The following PTPDC1 variants were observed in gnomAD, a reference collection of about 807,000 sequenced individuals.
The protein encoded by PTPDC1 is protein tyrosine phosphatase domain-containing protein 1.
PTPDC1 carries 53 observed loss-of-function variants against 75.3 expected under a neutral mutation model. The observed-to-expected ratio is 0.70, with a 90% CI of 0.56 to 0.88. The LOEUF (loss-of-function observed/expected upper bound fraction) is 0.88. PTPDC1 is among the 40% of genes least tolerant of loss of function. The pLI is 0.00. For synonymous variants in PTPDC1, 349 were observed against 366.2 expected, an observed-to-expected ratio of 0.95 and a Z score of 0.54; for missense variants, 925 against 998.6, an observed-to-expected ratio of 0.93 and a Z score of 0.99.
intron 8 of PTPDC1, among the ~76,000 whole-genome samples, chr9:94,105,718 A>C (rs1177153607): frequency 5.7e-4 from 86 of 149,578 alleles, no homozygotes; most frequent in African/African-American, 1.9e-3. Flanking sequence ...CCTGTAATCC[A>C]AGCACTTTGG....
chr9:94,097,212 A>T, intron 5 of PTPDC1, 109 bp from the exon 6 acceptor site: 1 of 751,762 alleles, frequency 1.3e-6, no homozygotes, highest in South Asian at 1.9e-5. Context: ...GTCTCTATTT[A>T]TATGGTTTCT....
intron 1 of PTPDC1, among the ~76,000 whole-genome samples, chr9:94,056,039 G>A (rs984018881): frequency 6.6e-6 from 1 of 152,114 alleles, no homozygotes; most frequent in Non-Finnish European, 1.5e-5. Flanking sequence ...TCTGTTAGGG[G>A]ATGGGTATAT....
At chr9:94,031,701 C>T (rs1829730676) in intron 1 of PTPDC1, among the ~76,000 whole-genome samples, 1 of 151,990 alleles carries the variant, frequency 6.6e-6, no homozygotes, top group Admixed American at 6.6e-5. Flanking sequence ...TCAAAACAAG[C>T]AGATATACGT....
intron 1 of PTPDC1, among the ~76,000 whole-genome samples, chr9:94,046,069 C>T (rs1825590512): frequency 6.6e-6 from 1 of 152,136 alleles, no homozygotes. Flanking sequence ...ATATGGCTAG[C>T]CAGTTTTCCC....
At chr9:94,058,271 C>T (rs1049731651) in intron 1 of PTPDC1, among the ~76,000 whole-genome samples, 1 of 152,108 alleles carries the variant, frequency 6.6e-6, no homozygotes, top group African/African-American at 2.4e-5. Flanking sequence ...TACCGATCTG[C>T]ACAAACTTCT....
chr9:94,036,563 T>C (rs1825276293), intron 1 of PTPDC1, among the ~76,000 whole-genome samples: 1 of 152,222 alleles, frequency 6.6e-6, no homozygotes, highest in Admixed American at 6.5e-5. Context: ...ATTGTGTTCT[T>C]GGATGGTAAA....
At chr9:94,033,957 T>C (rs953822204) in intron 1 of PTPDC1, among the ~76,000 whole-genome samples, 3 of 152,148 alleles carry the variant, frequency 2.0e-5, no homozygotes, top group East Asian at 3.8e-4. Flanking sequence ...TGAACACTTA[T>C]CATGTGCCAG....
intron 2 of PTPDC1, among the ~76,000 whole-genome samples, chr9:94,065,518 T>C (rs1037909418): frequency 3.9e-5 from 6 of 152,222 alleles, no homozygotes; most frequent in Non-Finnish European, 7.3e-5. Context: ...ATGGATTAGA[T>C]GATAGGAAGA....
chr9:94,101,699 T>A lies in PTPDC1; in HGVS notation c.2147T>A (p.Met716Lys), dbSNP rs971967686. Residue 716 changes from methionine (M) to lysine (K), a missense_variant, in exon 7 of 9, where the codon ATG (methionine) becomes AAG (lysine). Transcript: ENST00000620992. The part of the protein sequence containing the change: ...EPVITKEDVD[M>K]LVDRRADAAE... Reference sequence around the variant, plus strand: ...GTAATCACCAAAGAGGATGTGGACATGTTGGTTGACAGGCGAGCAGATGCC... The same window carrying A: ...GTAATCACCAAAGAGGATGTGGACAAGTTGGTTGACAGGCGAGCAGATGCC... 27 of 1,612,954 alleles carry A rather than the reference T, an allele frequency of 1.7e-5. No homozygotes were observed. The highest frequency in any genetic ancestry group is 2.3e-5 in the Non-Finnish European group (27 of 1,179,404).
upstream of PTPDC1, among the ~76,000 whole-genome samples, chr9:94,082,163 G>C (rs148559895): frequency 6.0e-4 from 92 of 152,366 alleles, 1 homozygote; most frequent in African/African-American, 2.2e-3. Context: ...GGAATAGTCA[G>C]TTCCCTTGTG....
chr9:94,095,974 C>T (rs1827548825), intron 5 of PTPDC1, among the ~76,000 whole-genome samples: 2 of 152,138 alleles, frequency 1.3e-5, no homozygotes, highest in African/African-American at 4.8e-5. Flanking sequence ...ACTTTAAATC[C>T]ATGGTTGTCT....
intron 1 of PTPDC1, among the ~76,000 whole-genome samples, chr9:94,063,869 TATA>T (rs753498746): frequency 1.3e-5 from 2 of 152,184 alleles, no homozygotes; most frequent in Non-Finnish European, 2.9e-5. Context: ...CTAATAAAAG[TATA>T]ATATTTGACC....
chr9:94,101,048 A>G (rs1827819489), intron 6 of PTPDC1: 1 of 152,248 alleles, frequency 6.6e-6, no homozygotes, highest in South Asian at 2.1e-4. Flanking sequence ...CCAGCTTTCA[A>G]GCACCTTTAT....
intron 2 of PTPDC1, among the ~76,000 whole-genome samples, chr9:94,072,464 C>A (rs981271169): frequency 6.6e-6 from 1 of 152,250 alleles, no homozygotes; most frequent in East Asian, 1.9e-4. Context: ...CTTACATAAA[C>A]AATCATGTCT....
chr9:94,038,008 C>T (rs1340296782), intron 1 of PTPDC1: 1 of 352,688 alleles, frequency 2.8e-6, no homozygotes, highest in African/African-American at 2.1e-5. Context: ...TTCGTTGCGC[C>T]AGCGACAAAA....
chr9:94,097,806 G>T lies in PTPDC1; in HGVS notation c.1240G>T (p.Gly414Cys), dbSNP rs2118063689. The stretch of plus-strand genomic sequence containing the variant: ...AGTGGCAGCAGATTTTGACAATCGA[G>T]GCATGATTTTCTCCAATGAGCAACA... ...TAVAADFDNR[G>C]MIFSNEQQFD... The change falls in exon 6 of 9, where the codon GGC becomes TGC. Residue 414 changes from glycine (G) to cysteine (C), a missense_variant. Transcript: ENST00000620992. 6.2e-7 allele frequency: 1 copy of T among 1,614,132 alleles called. No homozygotes were observed. The highest frequency in any genetic ancestry group is 2.2e-5 in the East Asian group (1 of 44,886).
At chr9:94,095,092 T>A (rs1666547910) in intron 4 of PTPDC1, among the ~76,000 whole-genome samples, 1 of 152,226 alleles carries the variant, frequency 6.6e-6, no homozygotes, top group African/African-American at 2.4e-5. Flanking sequence ...TCGGCCATCT[T>A]GGCTCCTCCC....
At chr9:94,091,145 T>G (rs1030582790) in intron 4 of PTPDC1, among the ~76,000 whole-genome samples, 2 of 151,136 alleles carry the variant, frequency 1.3e-5, no homozygotes, top group Non-Finnish European at 3.0e-5. Flanking sequence ...AGAGAGGGCA[T>G]CCCTGTCTTG....
intron 4 of PTPDC1, among the ~76,000 whole-genome samples, chr9:94,089,362 A>C (rs1190651163): frequency 2.0e-5 from 3 of 149,552 alleles, no homozygotes; most frequent in Non-Finnish European, 4.4e-5. Context: ...GTTTACTGAG[A>C]ATGATGATTT....
Sources: allele counts gnomAD v4.1 joint callset (sites outside exome capture counted in the v4.1 genomes callset), GRCh38; gene constraint gnomAD v4.1.1; transcripts MANE v1.5; gene names NCBI Gene and HGNC (gene_info 2026-07-23, HGNC 2026-07-21).